AUTS2: variants seen among roughly 807,000 people sequenced by gnomAD.
AUTS2 encodes the protein activator of transcription and developmental regulator AUTS2.
In AUTS2, 17 loss-of-function variants were observed where a neutral mutation model predicts 112.4. The ratio of observed to expected loss-of-function variants is 0.15; its 90% CI spans 0.10 to 0.23. The LOEUF (loss-of-function observed/expected upper bound fraction) is 0.23. Ranked by LOEUF, AUTS2 falls within the 10% of genes least tolerant of loss-of-function variation. The pLI is 1.00. For synonymous variants in AUTS2, 751 were observed against 702.7 expected (o/e 1.07, Z -1.09); for missense variants, 1,510 against 1,701.6 (o/e 0.89, Z 1.98).
At chr7:70,062,512 CA>C (rs35625069) in intron 2 of AUTS2, among the ~76,000 whole-genome samples, 505 of 121,728 alleles carry the variant, frequency 4.1e-3, no homozygotes, top group Admixed American at 5.6e-3. Context: ...GACTCCGTCT[CA>C]AAAAAAAAAA....
chr7:69,883,084 T>G (rs1476170704), intron 1 of AUTS2, among the ~76,000 whole-genome samples: 1 of 152,154 alleles, frequency 6.6e-6, no homozygotes, highest in Non-Finnish European at 1.5e-5. Flanking sequence ...TTTGTTCATG[T>G]TCGTAAAGCC....
chr7:70,101,553 GGCATGGTGGT>G (rs2129569537), intron 2 of AUTS2, among the ~76,000 whole-genome samples: 1 of 152,024 alleles, frequency 6.6e-6, no homozygotes, highest in Non-Finnish European at 1.5e-5. Context: ...AAATTAGCCG[GGCATGGTGGT>G]GCATGCTTGT....
intron 6 of AUTS2, among the ~76,000 whole-genome samples, chr7:70,719,839 G>C (rs1286410963): frequency 1.3e-5 from 2 of 152,112 alleles, no homozygotes; most frequent in Admixed American, 6.5e-5. Flanking sequence ...TGAAATTCTG[G>C]TTATTTGTTT....
At chr7:69,844,447 A>G (rs929139335) in intron 1 of AUTS2, among the ~76,000 whole-genome samples, 4 of 152,222 alleles carry the variant, frequency 2.6e-5, no homozygotes, top group Non-Finnish European at 5.9e-5. Context: ...CATTTGGCAG[A>G]GATGGGTGCA....
intron 2 of AUTS2, among the ~76,000 whole-genome samples, chr7:70,063,222 A>G (rs1802334871): frequency 6.6e-6 from 1 of 151,766 alleles, no homozygotes; most frequent in East Asian, 1.9e-4. Flanking sequence ...AAACAAATCA[A>G]GGGGTGGTTA....
intron 5 of AUTS2, among the ~76,000 whole-genome samples, chr7:70,626,628 G>A (rs80144103): frequency 0.019 from 2,902 of 152,048 alleles, 75 homozygotes; most frequent in African/African-American, 0.065. Context: ...GGTACTGAGC[G>A]CAGTACCCAA....
At position 69,905,644 on chromosome 7, in the gene AUTS2, A is replaced by G. The variant is rs79693258; in HGVS notation, c.522+6146A>G. ...GGCTGATTGCATGGTGCCTGCCCAC[A>G]TGGAGGGCAGATCCTTCCCTACTTA... On this transcript the variant is annotated intron_variant, in intron 2 of 18. Transcript: ENST00000342771. Among the ~76,000 whole-genome samples, 441 of 152,280 alleles carry G rather than the reference A, an allele frequency of 2.9e-3. 5 individuals carry two copies. The highest frequency in any genetic ancestry group is 0.01 in the African/African-American group (427 of 41,556).
intron 2 of AUTS2, among the ~76,000 whole-genome samples, chr7:70,031,247 G>A (rs1305756016): frequency 6.6e-6 from 1 of 152,128 alleles, no homozygotes; most frequent in Non-Finnish European, 1.5e-5. Flanking sequence ...ATTAATGACT[G>A]TACTGAAAGT....
At chr7:69,648,540 G>A (rs765255141) in intron 1 of AUTS2, among the ~76,000 whole-genome samples, 9 of 150,394 alleles carry the variant, frequency 6.0e-5, no homozygotes, top group Non-Finnish European at 8.9e-5. Flanking sequence ...TTTTCTATTA[G>A]CGAATAGAAA....
intron 1 of AUTS2, among the ~76,000 whole-genome samples, chr7:69,881,268 T>C (rs1430530821): frequency 2.0e-5 from 3 of 152,140 alleles, no homozygotes; most frequent in African/African-American, 7.2e-5. Flanking sequence ...AGGAGAGTTT[T>C]TTTCCTCTCC....
At chr7:70,268,981 T>C (rs1338196164) in intron 4 of AUTS2, among the ~76,000 whole-genome samples, 1 of 152,212 alleles carries the variant, frequency 6.6e-6, no homozygotes, top group Admixed American at 6.5e-5. Flanking sequence ...AACTTGAAAA[T>C]GTTAGAATGA....
At chr7:69,787,400 G>A (rs1242593653) in intron 1 of AUTS2, among the ~76,000 whole-genome samples, 1 of 152,238 alleles carries the variant, frequency 6.6e-6, no homozygotes, top group South Asian at 2.1e-4. Flanking sequence ...CTAACCAGAA[G>A]TAGTATCAGG....
intron 1 of AUTS2, among the ~76,000 whole-genome samples, chr7:69,849,055 G>A (rs1032783078): frequency 5.3e-5 from 8 of 152,068 alleles, no homozygotes; most frequent in Non-Finnish European, 7.4e-5. Context: ...GGTGGCGTGC[G>A]CCTGTAGTCC....
At chr7:70,151,353 G>A (rs1807428505) in intron 4 of AUTS2, among the ~76,000 whole-genome samples, 1 of 152,184 alleles carries the variant, frequency 6.6e-6, no homozygotes, top group Admixed American at 6.5e-5. Context: ...ATTCTCACCA[G>A]CAGGATTGGA....
chr7:70,324,191 T>C (rs1790382336), intron 4 of AUTS2, among the ~76,000 whole-genome samples: 1 of 152,180 alleles, frequency 6.6e-6, no homozygotes. Flanking sequence ...TGGAAAATGA[T>C]GTAAAAGGAT....
chr7:70,640,562 C>G (rs1163751991), intron 5 of AUTS2, among the ~76,000 whole-genome samples: 1 of 141,774 alleles, frequency 7.1e-6, no homozygotes, highest in African/African-American at 2.7e-5. Flanking sequence ...GTGATTAGCT[C>G]AGAACTAATG....
intron 1 of AUTS2, among the ~76,000 whole-genome samples, chr7:69,826,988 G>C (rs1791277762): frequency 6.6e-6 from 1 of 152,132 alleles, no homozygotes; most frequent in Admixed American, 6.5e-5. Context: ...TTTCATGTCA[G>C]CTCTGTCTTT....
intron 1 of AUTS2, among the ~76,000 whole-genome samples, chr7:69,663,778 C>T (rs143716122): frequency 6.6e-6 from 1 of 152,256 alleles, no homozygotes; most frequent in African/African-American, 2.4e-5. Context: ...TGATCAGACA[C>T]AATGCTATTC....
At chr7:69,685,465 T>C in intron 1 of AUTS2, among the ~76,000 whole-genome samples, 1 of 152,190 alleles carries the variant, frequency 6.6e-6, no homozygotes, top group East Asian at 1.9e-4. Flanking sequence ...TTTTCCCCAC[T>C]TCCTGTTTGG....
Sources: gnomAD v4.1 joint callset for allele counts (sites outside exome capture counted in the v4.1 genomes callset) on GRCh38, gnomAD v4.1.1 for gene constraint, MANE v1.5 for transcripts, NCBI Gene and HGNC (gene_info 2026-07-23, HGNC 2026-07-21) for gene names.